The following TFAP2E variants were observed in gnomAD, a reference collection of about 807,000 sequenced individuals.
TFAP2E encodes transcription factor AP-2-epsilon.
In TFAP2E, 30 loss-of-function variants were observed where a neutral mutation model predicts 37.9. The ratio of observed to expected loss-of-function variants is 0.79; its 90% CI spans 0.59 to 1.07. The LOEUF (loss-of-function observed/expected upper bound fraction) is 1.07. TFAP2E is among the 50% of genes least tolerant of loss of function. The pLI is 0.00. For synonymous variants in TFAP2E, 318 were observed against 295.8 expected (o/e 1.08, Z -0.77); for missense variants, 567 against 637.9 (o/e 0.89, Z 1.20).
chr1:35,587,524 G>C (rs1649514972), intron 3 of TFAP2E, among the ~76,000 whole-genome samples: 1 of 150,838 alleles, frequency 6.6e-6, no homozygotes, highest in Non-Finnish European at 1.5e-5. Flanking sequence ...TGTAGTCCCA[G>C]CTACTCAGGA....
In TFAP2E at chr1:35,574,224, G is replaced by A; in HGVS notation, c.325G>A (p.Ala109Thr). 8.0e-7 allele frequency: 1 copy of A among 1,242,982 alleles called. No individual in the cohort carries two copies. The highest frequency in any genetic ancestry group is 1.0e-6 in the Non-Finnish European group (1 of 990,500). The allele number at this position is 1,242,982 out of a possible 1,614,324, so 77.0% of individuals were successfully genotyped here. Residue 109 changes from alanine to threonine, a missense_variant, in exon 2 of 7, where the codon GCC becomes ACC. Transcript: ENST00000373235. ...GGCCGCGCCCCGCGCAGCCGCCCGC[G>A]CCCACGAGGAGCCTCCCGGCCTGCT... Reference protein sequence around the residue: ...AWAAPRAAARAHEEPPGLLAP... With the variant: ...AWAAPRAAARTHEEPPGLLAP...
rs1467170330 is a variant in TFAP2E at position 35,595,046 on chromosome 1, T to A, written c.*370T>A. 55 of 269,578 alleles carry A rather than the reference T, an allele frequency of 2.0e-4. No individual in the cohort carries two copies. 16.7% of individuals were successfully genotyped at this position (269,578 alleles called of 1,614,324 possible). ...AGGCCAAAGCCTTTGTGTTTTTCACTGGTGGCAGGAGGAAAATTGATAAAT... is the reference window on the plus strand; with the variant it reads ...AGGCCAAAGCCTTTGTGTTTTTCACAGGTGGCAGGAGGAAAATTGATAAAT... On this transcript the variant is annotated 3_prime_UTR_variant, in exon 7 of 7. Transcript: ENST00000373235.
rs192441123 is a variant in TFAP2E at position 35,577,402 on chromosome 1, G to C, written c.562+2402G>C. The C allele has an allele frequency of 1.0e-4, 46 of 456,788 alleles. No individual in the cohort carries two copies. Among genetic ancestry groups the C allele is most frequent in the Non-Finnish European group, 1.8e-4 (41 of 226,984 alleles). 28.3% of individuals were successfully genotyped at this position (456,788 alleles called of 1,614,324 possible). On this transcript the variant is annotated intron_variant, in intron 3 of 6. Coordinates refer to ENST00000373235, the MANE Select transcript of TFAP2E (RefSeq NM_178548.4). This position sits in a 1 kb window ranked among gnomAD's most constrained non-coding sequence, Gnocchi z 6.3. ...TGAATTAGCGCCCTCCTTCGTCCTC[G>C]GCCCTTCCGACGGCACGAGGAACTC...
chr1:35,574,852 G>T (rs1649122877), intron 2 of TFAP2E, 97 bp from the exon 3 acceptor site: 2 of 1,554,528 alleles, frequency 1.3e-6, no homozygotes, highest in South Asian at 1.1e-5. Flanking sequence ...GGTGCGCCTT[G>T]GGCGGAGCAG....
chr1:35,575,129 GC>G, intron 3 of TFAP2E, 129 bp downstream of exon 3: 2 of 1,224,278 alleles, frequency 1.6e-6, no homozygotes, highest in East Asian at 2.4e-5. Context: ...ACTCTTCCTG[GC>G]CCAGCCAGAT....
intron 3 of TFAP2E, among the ~76,000 whole-genome samples, chr1:35,580,604 CA>C (rs1649321570): frequency 6.6e-6 from 1 of 151,982 alleles, no homozygotes; most frequent in Non-Finnish European, 1.5e-5. Flanking sequence ...ACTAAAAAAA[CA>C]AAAACAAACC....
rs1434245126 is a variant in TFAP2E at position 35,574,378 on chromosome 1, T to G, written c.479T>G (p.Leu160Arg). The G allele has an allele frequency of 6.9e-7, 1 of 1,440,490 alleles. No individual in the cohort carries two copies. Among genetic ancestry groups the G allele is most frequent in the Admixed American group, 3.0e-5 (1 of 32,974 alleles). 89.2% of individuals were successfully genotyped at this position (1,440,490 alleles called of 1,614,324 possible). A position where few individuals can be genotyped will look rare whatever the true frequency, so the allele number is the denominator to read the frequency against. ...LADAPLGLPG[L>R]AAAPGLEDLQ... ...GACGCACCTCTCGGCCTTCCGGGGCTGGCGGCGGCCCCCGGTCTGGAGGAC... is the reference window on the plus strand; with the variant it reads ...GACGCACCTCTCGGCCTTCCGGGGCGGGCGGCGGCCCCCGGTCTGGAGGAC... Residue 160 changes from leucine (L) to arginine (R), a missense_variant, in exon 2 of 7, where the codon CTG becomes CGG. By Grantham distance (102) the Leu-to-Arg change is moderately radical. Around this residue, in one of 3 missense-constraint regions of TFAP2E, gnomAD observed 312 missense variants for 317.4 expected, o/e 0.98. Coordinates refer to ENST00000373235, the MANE Select transcript of TFAP2E (RefSeq NM_178548.4).
At chr1:35,584,872 T>A (rs1304364908) in intron 3 of TFAP2E, among the ~76,000 whole-genome samples, 1 of 152,066 alleles carries the variant, frequency 6.6e-6, no homozygotes, top group Non-Finnish European at 1.5e-5. Flanking sequence ...AAGCTCGAGG[T>A]ATAATTTTTT....
chr1:35,578,708 G>C (rs1649255629), intron 3 of TFAP2E, among the ~76,000 whole-genome samples: 1 of 152,154 alleles, frequency 6.6e-6, no homozygotes, highest in African/African-American at 2.4e-5. Context: ...CCACTTCCCA[G>C]ACAATCTCTA....
Position 35,594,608 on chromosome 1 carries a change from C to A in TFAP2E, c.1261C>A (p.Leu421Ile). 6.2e-7 allele frequency: 1 copy of A among 1,614,228 alleles called. No individual in the cohort carries two copies. The highest frequency in any genetic ancestry group is 8.5e-7 in the Non-Finnish European group (1 of 1,180,042). ...ACTCAAGGGGCTGGACAAGATGTTT[C>A]TAAGCAGTGTGGGCAGTGGGCATGG... ...ESLKGLDKMF[L>I]SSVGSGHGET... is the part of the protein sequence containing the mutation. Residue 421 changes from leucine (L) to isoleucine (I), a missense_variant, in exon 7 of 7, where the codon CTA becomes ATA. Around this residue, in one of 3 missense-constraint regions of TFAP2E, gnomAD observed 252 missense variants for 302.6 expected, o/e 0.83. Coordinates refer to ENST00000373235, the MANE Select transcript of TFAP2E (RefSeq NM_178548.4).
chr1:35,574,255 C>A lies in TFAP2E; in HGVS notation c.356C>A (p.Pro119Gln). ...AHEEPPGLLA[P>Q]PARALGLDPR... ...GAGGAGCCTCCCGGCCTGCTGGCAC[C>A]GCCCGCCCGCGCCCTGGGCCTTGAC... Residue 119 changes from proline to glutamine, a missense_variant, in exon 2 of 7, where the codon CCG becomes CAG. Physicochemically the swap from Pro to Gln is moderately conservative, Grantham distance 76 (BLOSUM62 -1). Transcript: ENST00000373235. 1 of 1,321,074 alleles carries A rather than the reference C, an allele frequency of 7.6e-7. No homozygotes were observed. Among genetic ancestry groups the A allele is most frequent in the Non-Finnish European group, 9.7e-7 (1 of 1,029,912 alleles). The allele number at this position is 1,321,074 out of a possible 1,614,324, so 81.8% of individuals were successfully genotyped here.
At chr1:35,587,729 T>C (rs1315459557) in intron 3 of TFAP2E, among the ~76,000 whole-genome samples, 1 of 147,456 alleles carries the variant, frequency 6.8e-6, no homozygotes, top group African/African-American at 2.5e-5. Context: ...AATTAGGGAG[T>C]GTTTGGGGAG....
intron 3 of TFAP2E, among the ~76,000 whole-genome samples, chr1:35,578,015 A>T (rs930955041): frequency 6.6e-6 from 1 of 152,168 alleles, no homozygotes; most frequent in African/African-American, 2.4e-5. Flanking sequence ...AGCAGTGAGC[A>T]GGGGCTGTAT....
Position 35,573,940 on chromosome 1 carries a change from G to T in TFAP2E, c.41G>T (p.Gly14Val). 1 of 1,460,798 alleles carries T rather than the reference G, an allele frequency of 6.8e-7. No individual in the cohort carries two copies. Among genetic ancestry groups the T allele is most frequent in the Non-Finnish European group, 8.9e-7 (1 of 1,122,590 alleles). 90.5% of individuals were successfully genotyped at this position (1,460,798 alleles called of 1,614,324 possible). The change falls in exon 2 of 7, where the codon GGG becomes GTG. Residue 14 changes from glycine (G) to valine (V), a missense_variant. Transcript: ENST00000373235. The surrounding 1 kb of genome is among the most constrained non-coding windows in gnomAD (Gnocchi z 5.9). ...HTYSAMERPD[G>V]LGAAAGGARL... ...CTCCTTCCCCAGGAGCGCCCCGACGGGCTGGGAGCAGCTGCCGGCGGGGCC... is the reference window on the plus strand; with the variant it reads ...CTCCTTCCCCAGGAGCGCCCCGACGTGCTGGGAGCAGCTGCCGGCGGGGCC...
intron 3 of TFAP2E, among the ~76,000 whole-genome samples, chr1:35,587,368 G>A (rs1420098898): frequency 5.9e-5 from 9 of 152,130 alleles, no homozygotes; most frequent in Admixed American, 6.5e-5. Context: ...GGCCGGGCAC[G>A]GTGGCTCATG....
In TFAP2E at chr1:35,573,671, A is replaced by C; in HGVS notation, c.27+67A>C. 1 of 1,525,176 alleles carries C rather than the reference A, an allele frequency of 6.6e-7. No individual in the cohort carries two copies. The highest frequency in any genetic ancestry group is 2.1e-5 in the Admixed American group (1 of 48,212). The allele number at this position is 1,525,176 out of a possible 1,614,324, so 94.5% of individuals were successfully genotyped here. A position where few individuals can be genotyped will look rare whatever the true frequency, so the allele number is the denominator to read the frequency against. On this transcript the variant is annotated intron_variant, in intron 1 of 6. Coordinates refer to ENST00000373235, the MANE Select transcript of TFAP2E (RefSeq NM_178548.4). This position sits in a 1 kb window ranked among gnomAD's most constrained non-coding sequence, Gnocchi z 5.9. ...GGGGCGCCTGAGTGCTGGACTTTCC[A>C]ACCCTCCTGTCCCGCGCTAACGAAA...
At chr1:35,593,408 CA>C (rs1430576498) in intron 6 of TFAP2E, among the ~76,000 whole-genome samples, 1 of 152,256 alleles carries the variant, frequency 6.6e-6, no homozygotes, top group Non-Finnish European at 1.5e-5. Flanking sequence ...CTGGCCCACA[CA>C]AACTCCACCC....
intron 3 of TFAP2E, among the ~76,000 whole-genome samples, chr1:35,581,482 AT>A: frequency 6.6e-6 from 1 of 151,634 alleles, no homozygotes; most frequent in South Asian, 2.1e-4. Context: ...CTGTCAAGCT[AT>A]TTTCTAAAGT....
In TFAP2E at chr1:35,588,024, T is replaced by G. The variant is rs560980554; in HGVS notation, c.563-306T>G. Reference sequence around the variant, plus strand: ...GGGCCCCAGGGGTCCTGCCTCCAGCTCACACTCATATCCTTACATCCAGGT... The same window carrying G: ...GGGCCCCAGGGGTCCTGCCTCCAGCGCACACTCATATCCTTACATCCAGGT... On this transcript the variant is annotated intron_variant, in intron 3 of 6. Coordinates refer to ENST00000373235, the MANE Select transcript of TFAP2E (RefSeq NM_178548.4). The surrounding 1 kb of genome is among the most constrained non-coding windows in gnomAD (Gnocchi z 5.1). Among the ~76,000 whole-genome samples, 1 of 152,224 alleles carries G rather than the reference T, an allele frequency of 6.6e-6. No individual in the cohort carries two copies. Among genetic ancestry groups the G allele is most frequent in the Admixed American group, 6.5e-5 (1 of 15,300 alleles).
Sources: gnomAD v4.1 joint callset for allele counts (sites outside exome capture counted in the v4.1 genomes callset) on GRCh38, gnomAD v4.1.1 for gene constraint, gnomAD v4.1.1 regional missense constraint, Gnocchi (gnomAD v3.1) non-coding constraint, MANE v1.5 for transcripts, NCBI Gene and HGNC (gene_info 2026-07-23, HGNC 2026-07-21) for gene names.